CHD2: variants seen among roughly 807,000 people sequenced by gnomAD.
CHD2 encodes the protein chromodomain helicase DNA binding protein 2, also known as ATP-dependent chromatin remodeler CHD2.
Under a neutral mutation model 243.9 loss-of-function variants are expected in CHD2, and 28 were observed. That is an observed-to-expected ratio of 0.11 (90% CI 0.09 to 0.16). The LOEUF is 0.16. CHD2 is among the 10% of genes least tolerant of loss of function. The probability of loss-of-function intolerance (pLI) is 1.00; values close to 1 mark genes in which losing one functional copy is unlikely to be tolerated. For synonymous variants in CHD2, 775 were observed against 779.0 expected, an observed-to-expected ratio of 0.99 and a Z score of 0.09; for missense variants, 1,386 against 2,209.8, an observed-to-expected ratio of 0.63 and a Z score of 7.47.
chr15:92,924,566 C>A lies in CHD2; in HGVS notation c.294+14C>A. 1 of 1,609,108 alleles carries A rather than the reference C, an allele frequency of 6.2e-7. No homozygotes were observed. The highest frequency in any genetic ancestry group is 8.5e-7 in the Non-Finnish European group (1 of 1,175,614). On this transcript the variant is annotated intron_variant, in intron 3 of 38. Coordinates refer to ENST00000394196, the MANE Select transcript of CHD2 (RefSeq NM_001271.4). ...GATGTGAAGAAGGTATCTACTTTGC[C>A]CTGCAGTACAAATGTGCTGCTAGCC... is the stretch of plus-strand genomic sequence containing the variant.
intron 28 of CHD2, among the ~76,000 whole-genome samples, chr15:92,994,617 A>T (rs977856638): frequency 6.6e-6 from 1 of 152,228 alleles, no homozygotes; most frequent in Non-Finnish European, 1.5e-5. Context: ...TATGTTTTCT[A>T]TGTAATTGTT....
At chr15:93,015,000 C>T in intron 37 of CHD2, 91 bp downstream of exon 37, 1 of 994,194 alleles carries the variant, frequency 1.0e-6, no homozygotes. Context: ...GGCTAGACTT[C>T]TGTGCTTTAT....
intron 2 of CHD2, among the ~76,000 whole-genome samples, chr15:92,907,362 C>G (rs539483044): frequency 1.3e-5 from 2 of 152,312 alleles, no homozygotes; most frequent in East Asian, 3.9e-4. Flanking sequence ...AAAAGTATTT[C>G]AGTTCTCATT....
At chr15:92,916,493 C>G (rs2052838713) in intron 2 of CHD2, among the ~76,000 whole-genome samples, 1 of 152,192 alleles carries the variant, frequency 6.6e-6, no homozygotes, top group Non-Finnish European at 1.5e-5. Flanking sequence ...TTTGCCTCGT[C>G]CTATACAAGT....
rs752429913 is a variant in CHD2, at chr15:92,942,859, T to C, written c.843T>C (p.Thr281=). The change falls in exon 9 of 39, where the codon ACT becomes ACC. Residue 281 remains threonine, a synonymous_variant. Transcript: ENST00000394196. ...CTTTTGCAGCCACTGGAGCATCTAC[T>C]ACTGTATATGCGATTGAAGCTAATG... The part of the protein sequence containing the change: ...LGKKGATGAS[T]TVYAIEANGD... The C allele has an allele frequency of 6.8e-6, 11 of 1,611,886 alleles. No homozygotes were observed. Among genetic ancestry groups the C allele is most frequent in the Non-Finnish European group, 9.3e-6 (11 of 1,179,038 alleles).
chr15:92,956,405 A>G (rs1596407054), intron 15 of CHD2, 54 bp from the exon 16 acceptor site: 11 of 1,329,638 alleles, frequency 8.3e-6, no homozygotes, highest in African/African-American at 1.5e-5. Context: ...ACTTGAAAGC[A>G]CTTGTGGGTT....
intron 36 of CHD2, among the ~76,000 whole-genome samples, chr15:93,014,223 A>G (rs2054430446): frequency 6.6e-6 from 1 of 152,116 alleles, no homozygotes; most frequent in Non-Finnish European, 1.5e-5. Context: ...TTTTTTTTAT[A>G]TCAAACATTT....
chr15:92,986,233 C>G (rs959172415), intron 26 of CHD2, among the ~76,000 whole-genome samples: 1 of 151,968 alleles, frequency 6.6e-6, no homozygotes, highest in Non-Finnish European at 1.5e-5. Flanking sequence ...GTATCTGATT[C>G]AAATGTCTCT....
intron 35 of CHD2, among the ~76,000 whole-genome samples, chr15:93,011,786 A>T (rs901609008): frequency 6.6e-6 from 1 of 152,206 alleles, no homozygotes; most frequent in Non-Finnish European, 1.5e-5. Context: ...GAGAGTTTTA[A>T]GGAAGAAATG....
In CHD2 at chr15:92,980,801, T is replaced by A; in HGVS notation, c.2877-14T>A. On this transcript the variant is annotated splice_polypyrimidine_tract_variant and intron_variant, in intron 22 of 38. Transcript: ENST00000394196. ...TTATTTGATGTTTCTAACAACTACA[T>A]TTTACTTCCACAGCTCAAATCCTTT... The A allele has an allele frequency of 6.3e-7, 1 of 1,597,632 alleles. No homozygotes were observed. Among genetic ancestry groups the A allele is most frequent in the Non-Finnish European group, 8.6e-7 (1 of 1,166,938 alleles).
At chr15:92,953,604 CTG>C (rs756691770) in intron 14 of CHD2, 31 bp downstream of exon 14, 7 of 1,587,956 alleles carry the variant, frequency 4.4e-6, no homozygotes, top group Middle Eastern at 1.7e-4. Context: ...GGGTTAGAAT[CTG>C]TGTTATAAAT....
At chr15:92,916,483 T>C (rs1406099586) in intron 2 of CHD2, among the ~76,000 whole-genome samples, 1 of 152,240 alleles carries the variant, frequency 6.6e-6, no homozygotes, top group African/African-American at 2.4e-5. Context: ...TGAATATTTA[T>C]TTGCCTCGTC....
intron 32 of CHD2, 110 bp downstream of exon 32, chr15:93,000,750 G>A: frequency 1.7e-6 from 2 of 1,203,020 alleles, no homozygotes; most frequent in Non-Finnish European, 2.3e-6. Context: ...TGGATTAAAT[G>A]GAAATAGAAT....
intron 28 of CHD2, among the ~76,000 whole-genome samples, chr15:92,994,506 G>A (rs1361371258): frequency 6.6e-6 from 1 of 151,382 alleles, no homozygotes; most frequent in African/African-American, 2.4e-5. Context: ...GTTCTTTTTT[G>A]TAAAAGACAA....
intron 10 of CHD2, chr15:92,945,280 G>A (rs1355332472): frequency 6.6e-6 from 1 of 152,230 alleles, no homozygotes; most frequent in South Asian, 2.1e-4. Context: ...AATGAGAGGG[G>A]ATAGCAAGTA....
rs751745833 is a variant in CHD2 at position 93,002,332 on chromosome 15, C to T, written c.4278+15C>T. 3 of 1,588,328 alleles carry T rather than the reference C, an allele frequency of 1.9e-6. No homozygotes were observed. The African/African-American group carries it at 4.1e-5, about 22-fold the overall frequency. On this transcript the variant is annotated intron_variant, in intron 33 of 38. Transcript: ENST00000394196. ...AGAAAGAGAAGGTAATGATGCCCTT[C>T]TGTTCATGCAGATATCCACAGCCTT...
rs1443601913 is a variant in CHD2 at position 92,972,741 on chromosome 15, C to G, written c.2505+324C>G. Reference sequence around the variant, plus strand: ...TGGCGGGCGCCTGTAGTCCCAGCTACTTGGGAGGCTGAGGCAGGAGAATGG... The same window carrying G: ...TGGCGGGCGCCTGTAGTCCCAGCTAGTTGGGAGGCTGAGGCAGGAGAATGG... On this transcript the variant is annotated intron_variant, in intron 19 of 38. Coordinates refer to ENST00000394196, the MANE Select transcript of CHD2 (RefSeq NM_001271.4). 4.4e-5 allele frequency among the ~76,000 whole-genome samples: 2 copies of G among 45,930 alleles called. 1 individual carries two copies. Among genetic ancestry groups the G allele is most frequent in the Non-Finnish European group, 1.1e-4 (2 of 17,514 alleles). 30.1% of individuals were successfully genotyped at this position (45,930 alleles called of 152,430 possible). A position where few individuals can be genotyped will look rare whatever the true frequency, so the allele number is the denominator to read the frequency against.
chr15:92,949,098 C>T (rs915177048), intron 13 of CHD2, 22 bp downstream of exon 13: 1 of 1,602,112 alleles, frequency 6.2e-7, no homozygotes, highest in Admixed American at 1.8e-5. Flanking sequence ...AATATGAGTG[C>T]AATTTTCCTT....
At chr15:92,913,851 C>G (rs2052786548) in intron 2 of CHD2, among the ~76,000 whole-genome samples, 1 of 151,188 alleles carries the variant, frequency 6.6e-6, no homozygotes, top group Non-Finnish European at 1.5e-5. Context: ...AGACCCTATC[C>G]AAAAAAAACA....
Sources: allele counts gnomAD v4.1 joint callset (sites outside exome capture counted in the v4.1 genomes callset), GRCh38; gene constraint gnomAD v4.1.1; transcripts MANE v1.5; gene names NCBI Gene and HGNC (gene_info 2026-07-23, HGNC 2026-07-21).